Variants in PPM1L observed in about 807,000 individuals in gnomAD.
PPM1L encodes protein phosphatase 1L.
In PPM1L, 13 loss-of-function variants were observed where a neutral mutation model predicts 31.4. The observed-to-expected ratio is 0.41, with a 90% CI of 0.27 to 0.66. The LOEUF (loss-of-function observed/expected upper bound fraction) is 0.66, where lower values mean the gene tolerates loss of function less well. Among genes scored for constraint, PPM1L ranks in the 30% least tolerant of loss-of-function variants. The probability of loss-of-function intolerance (pLI) is 0.29; values close to 1 mark genes in which losing one functional copy is unlikely to be tolerated. For synonymous variants in PPM1L, 184 were observed against 175.4 expected (o/e 1.05, Z -0.39); for missense variants, 326 against 453.7 (o/e 0.72, Z 2.56).
At position 161,032,726 on chromosome 3, in the gene PPM1L, T is replaced by C. The variant is rs373641787; in HGVS notation, c.575-32677T>C. ...TTTTTTTGAGAGATAAGAGTCTTAC[T>C]CTATAGCCCAAGCTGGAGTGCAATG... On this transcript the variant is annotated intron_variant, in intron 2 of 3. Coordinates refer to ENST00000498165, the MANE Select transcript of PPM1L (RefSeq NM_139245.4). Among the ~76,000 whole-genome samples the C allele has an allele frequency of 5.3e-5, 8 of 150,552 alleles. No homozygotes were observed. The East Asian group carries it at 1.6e-3, about 30-fold the overall frequency.
chr3:160,785,711 A>G (rs1351999593), intron 1 of PPM1L, among the ~76,000 whole-genome samples: 1 of 152,198 alleles, frequency 6.6e-6, no homozygotes, highest in East Asian at 1.9e-4. Context: ...CTGGCTGCTC[A>G]GTATTCCATT....
chr3:161,035,134 A>G (rs1425705638), intron 2 of PPM1L, among the ~76,000 whole-genome samples: 1 of 152,014 alleles, frequency 6.6e-6, no homozygotes, highest in Non-Finnish European at 1.5e-5. Flanking sequence ...GAGTGCAGCA[A>G]ACCACCACGG....
At chr3:160,922,258 C>T (rs968062949) in intron 1 of PPM1L, among the ~76,000 whole-genome samples, 1 of 151,576 alleles carries the variant, frequency 6.6e-6, no homozygotes, top group African/African-American at 2.4e-5. Flanking sequence ...TGCAGTGAGC[C>T]GAGATCACAC....
chr3:160,849,218 T>C (rs188732437), intron 1 of PPM1L, among the ~76,000 whole-genome samples: 322 of 152,290 alleles, frequency 2.1e-3, no homozygotes, highest in African/African-American at 7.3e-3. Flanking sequence ...TGCCTCATAG[T>C]TCCCCTGCTG....
intron 2 of PPM1L, among the ~76,000 whole-genome samples, chr3:161,056,183 C>T (rs950629750): frequency 1.3e-4 from 20 of 152,084 alleles, no homozygotes; most frequent in African/African-American, 4.6e-4. Flanking sequence ...AGTGGCACTA[C>T]TTAAGAGATG....
chr3:160,993,182 A>G (rs997465385), intron 2 of PPM1L, among the ~76,000 whole-genome samples: 1 of 152,192 alleles, frequency 6.6e-6, no homozygotes, highest in Non-Finnish European at 1.5e-5. Flanking sequence ...TTATATGCTA[A>G]TAAGTAAAAA....
chr3:160,846,491 ATGT>A (rs1300803424), intron 1 of PPM1L, among the ~76,000 whole-genome samples: 1 of 152,160 alleles, frequency 6.6e-6, no homozygotes, highest in East Asian at 1.9e-4. Context: ...TGCCTTAAAA[ATGT>A]TGTATTATTA....
chr3:160,816,538 T>C (rs1455870), intron 1 of PPM1L, among the ~76,000 whole-genome samples: 13,793 of 151,528 alleles, frequency 0.091, 964 homozygotes, highest in African/African-American at 0.19. Flanking sequence ...AGCCTTAGTT[T>C]GATGTTGAAA....
chr3:161,054,905 CTT>C (rs546514249), intron 2 of PPM1L, among the ~76,000 whole-genome samples: 1,826 of 152,240 alleles, frequency 0.012, 50 homozygotes, highest in African/African-American at 0.041. Context: ...CACATCCTCT[CTT>C]AACATAAAAT....
intron 2 of PPM1L, among the ~76,000 whole-genome samples, chr3:161,027,921 A>G (rs981832463): frequency 1.3e-5 from 2 of 152,238 alleles, no homozygotes; most frequent in African/African-American, 2.4e-5. Flanking sequence ...TGGCCTAGGT[A>G]CTGAACATTA....
chr3:160,835,364 C>A (rs1435542914), intron 1 of PPM1L, among the ~76,000 whole-genome samples: 1 of 151,928 alleles, frequency 6.6e-6, no homozygotes, highest in Admixed American at 6.6e-5. Context: ...TGCTTCCTTA[C>A]TGAGGCTGTG....
intron 2 of PPM1L, among the ~76,000 whole-genome samples, chr3:160,989,692 C>A (rs1717069615): frequency 6.6e-6 from 1 of 152,164 alleles, no homozygotes; most frequent in South Asian, 2.1e-4. Flanking sequence ...CAGAGTCTTG[C>A]TCTGTCACCC....
At chr3:160,969,931 A>G (rs1716268785) in intron 2 of PPM1L, among the ~76,000 whole-genome samples, 1 of 152,234 alleles carries the variant, frequency 6.6e-6, no homozygotes, top group Non-Finnish European at 1.5e-5. Flanking sequence ...CTTTAATTCT[A>G]CTACCTAAAC....
chr3:160,891,521 A>G (rs888371567), intron 1 of PPM1L, among the ~76,000 whole-genome samples: 1 of 152,194 alleles, frequency 6.6e-6, no homozygotes, highest in African/African-American at 2.4e-5. Context: ...GCTGTGGAGA[A>G]CAAAGGAATG....
At chr3:160,869,675 A>C (rs1282936975) in intron 1 of PPM1L, among the ~76,000 whole-genome samples, 2 of 152,102 alleles carry the variant, frequency 1.3e-5, no homozygotes, top group African/African-American at 4.8e-5. Context: ...ATTCAATGGA[A>C]TAGAATAACA....
intron 2 of PPM1L, among the ~76,000 whole-genome samples, chr3:161,045,429 C>T (rs953213912): frequency 1.1e-4 from 17 of 152,312 alleles, no homozygotes; most frequent in South Asian, 8.3e-4. Context: ...GTCTCTCAGA[C>T]CACAGTGCAA....
At chr3:161,021,755 G>A (rs1302050621) in intron 2 of PPM1L, among the ~76,000 whole-genome samples, 2 of 151,642 alleles carry the variant, frequency 1.3e-5, no homozygotes. Context: ...CCCTTTTATT[G>A]TTTTAAAATA....
chr3:160,949,142 A>G (rs1715499091), intron 1 of PPM1L, among the ~76,000 whole-genome samples: 1 of 152,182 alleles, frequency 6.6e-6, no homozygotes, highest in Non-Finnish European at 1.5e-5. Flanking sequence ...ATGAAGAAAC[A>G]CTGATGAAGC....
intron 2 of PPM1L, among the ~76,000 whole-genome samples, chr3:161,015,970 T>C (rs1236442626): frequency 6.6e-6 from 1 of 152,086 alleles, no homozygotes; most frequent in Non-Finnish European, 1.5e-5. Flanking sequence ...CCTTGAGAAA[T>C]CCCATGGAAA....
Sources: allele counts gnomAD v4.1 joint callset (sites outside exome capture counted in the v4.1 genomes callset), GRCh38; gene constraint gnomAD v4.1.1; transcripts MANE v1.5; gene names NCBI Gene and HGNC (gene_info 2026-07-23, HGNC 2026-07-21).